CEP126: variants seen among roughly 807,000 people sequenced by gnomAD.
CEP126 encodes centrosomal protein 126.
In CEP126, 74 loss-of-function variants were observed where a neutral mutation model predicts 107.8. The ratio of observed to expected loss-of-function variants is 0.69; its 90% CI spans 0.57 to 0.83. The LOEUF (loss-of-function observed/expected upper bound fraction) is 0.83. Ranked by LOEUF, CEP126 falls within the 40% of genes least tolerant of loss-of-function variation. The pLI, the probability that CEP126 is intolerant of heterozygous loss-of-function variation, is 0.00. For synonymous variants in CEP126, 449 were observed against 446.0 expected (o/e 1.01, Z -0.08); for missense variants, 1,237 against 1,281.9 (o/e 0.96, Z 0.53).
intron 2 of CEP126, among the ~76,000 whole-genome samples, chr11:101,932,842 T>C (rs760570522): frequency 3.3e-5 from 5 of 152,196 alleles, no homozygotes; most frequent in Non-Finnish European, 7.4e-5. Context: ...TTTTGTTAGC[T>C]TGCCTCACTA....
intron 6 of CEP126, among the ~76,000 whole-genome samples, chr11:101,964,398 C>T (rs901090596): frequency 6.6e-5 from 10 of 151,924 alleles, no homozygotes; most frequent in African/African-American, 2.4e-4. Flanking sequence ...TTTGGGAGGC[C>T]AAGGCACGCG....
In CEP126 at chr11:101,915,372, C is replaced by T. The variant is rs1241743534; in HGVS notation, c.88C>T (p.Pro30Ser). ...SDNLDRAPLG[P>S]RESGGHHRPG... ...CAACCTCGACAGAGCCCCCCTCGGC[C>T]CTCGGGAGAGCGGCGGGCATCACCG... The change falls in exon 1 of 11, where the codon CCT (proline) becomes TCT (serine). Residue 30 changes from proline (P) to serine (S), a missense_variant. Transcript: ENST00000263468. 3 of 1,613,770 alleles carry T rather than the reference C, an allele frequency of 1.9e-6. No individual in the cohort carries two copies. Among genetic ancestry groups the T allele is most frequent in the Non-Finnish European group, 2.5e-6 (3 of 1,179,944 alleles).
At chr11:101,917,112 G>A (rs1008898523) in intron 1 of CEP126, among the ~76,000 whole-genome samples, 4 of 151,380 alleles carry the variant, frequency 2.6e-5, no homozygotes, top group Admixed American at 2.6e-4. Context: ...TTGCATATGT[G>A]TGTATATATA....
At chr11:101,969,454 TG>T (rs1941098699) in intron 6 of CEP126, among the ~76,000 whole-genome samples, 1 of 152,032 alleles carries the variant, frequency 6.6e-6, no homozygotes, top group African/African-American at 2.4e-5. Context: ...GGTAGGGGTA[TG>T]GAAAAAAAAT....
intron 6 of CEP126, among the ~76,000 whole-genome samples, chr11:101,965,388 A>G (rs999706437): frequency 6.6e-6 from 1 of 152,202 alleles, no homozygotes; most frequent in African/African-American, 2.4e-5. Context: ...TCATCACAGT[A>G]TCCCCAGATC....
At chr11:101,976,890 T>G (rs1941198415) in intron 6 of CEP126, among the ~76,000 whole-genome samples, 1 of 152,200 alleles carries the variant, frequency 6.6e-6, no homozygotes, top group African/African-American at 2.4e-5. Flanking sequence ...ACATACAAGT[T>G]AAGCATTTTA....
At chr11:101,989,795 T>C (rs563224542) in intron 9 of CEP126, among the ~76,000 whole-genome samples, 115 of 152,116 alleles carry the variant, frequency 7.6e-4, no homozygotes, top group African/African-American at 2.5e-3. Context: ...CCGTCTCTAT[T>C]AAAAATACAA....
intron 1 of CEP126, among the ~76,000 whole-genome samples, chr11:101,917,308 G>A (rs1940238075): frequency 6.6e-6 from 1 of 151,794 alleles, no homozygotes; most frequent in African/African-American, 2.4e-5. Flanking sequence ...GCACAGAGTA[G>A]GTGCTCAAAT....
chr11:101,995,167 T>A (rs983978085), intron 10 of CEP126, among the ~76,000 whole-genome samples: 3 of 152,166 alleles, frequency 2.0e-5, no homozygotes, highest in African/African-American at 7.2e-5. Context: ...TTTTTTGCCT[T>A]GGCACTGGGT....
At chr11:101,950,033 A>G (rs1213782797) in intron 4 of CEP126, among the ~76,000 whole-genome samples, 2 of 152,334 alleles carry the variant, frequency 1.3e-5, no homozygotes, top group South Asian at 2.1e-4. Context: ...CCATAAATCA[A>G]AGAGCAAGGG....
intron 9 of CEP126, among the ~76,000 whole-genome samples, chr11:101,988,628 A>C (rs538238998): frequency 1.3e-5 from 2 of 152,266 alleles, no homozygotes; most frequent in South Asian, 4.1e-4. Flanking sequence ...AAATCAGGAG[A>C]TATTGACAAC....
Position 101,920,207 on chromosome 11 carries a change from A to G in CEP126, c.129-2434A>G, listed in dbSNP as rs553496406. ...AAAAGAAAACAAATAAGCCCCCATC[A>G]GCAAAGGTCTAAACAACAAAATGTT... On this transcript the variant is annotated intron_variant, in intron 1 of 10. Coordinates refer to ENST00000263468, the MANE Select transcript of CEP126 (RefSeq NM_020802.4). Among the ~76,000 whole-genome samples the G allele has an allele frequency of 8.5e-5, 13 of 152,366 alleles. No individual in the cohort carries two copies. The East Asian group carries it at 1.7e-3, about 20-fold the overall frequency.
rs1249710531 is a variant in CEP126, at chr11:101,962,041, G to A, written c.1006G>A (p.Val336Ile). The A allele has an allele frequency of 6.2e-7, 1 of 1,613,316 alleles. No homozygotes were observed. The highest frequency in any genetic ancestry group is 8.5e-7 in the Non-Finnish European group (1 of 1,179,528). The change falls in exon 6 of 11, where the codon GTT (valine) becomes ATT (isoleucine). Residue 336 changes from valine to isoleucine, a missense_variant. Physicochemically the swap from Val to Ile is conservative, Grantham distance 29. Transcript: ENST00000263468. ...AFSDILSKSNVLPSWEYFNSK... is the reference protein window; with the variant it reads ...AFSDILSKSNILPSWEYFNSK... Reference sequence around the variant, plus strand: ...CTCAGATATTTTAAGTAAATCTAATGTTCTGCCTTCATGGGAATATTTTAA... The same window carrying A: ...CTCAGATATTTTAAGTAAATCTAATATTCTGCCTTCATGGGAATATTTTAA...
At chr11:101,954,588 A>G (rs1478197525) in intron 4 of CEP126, among the ~76,000 whole-genome samples, 7 of 152,020 alleles carry the variant, frequency 4.6e-5, no homozygotes, top group African/African-American at 1.7e-4. Context: ...TTAACATACT[A>G]TTTTGACTTT....
At position 101,963,400 on chromosome 11, in the gene CEP126, A is replaced by C; in HGVS notation, c.2365A>C (p.Ile789Leu). 6.2e-7 allele frequency: 1 copy of C among 1,614,162 alleles called. No homozygotes were observed. The highest frequency in any genetic ancestry group is 2.2e-5 in the East Asian group (1 of 44,874). ...ACCACAGTCTGCAAGCAAAGTCAAC[A>C]TATTTACACAAGCTCAGGGAAAATT... ...IQPQSASKVN[I>L]FTQAQGKLII... The change falls in exon 6 of 11, where the codon ATA becomes CTA. Residue 789 changes from isoleucine (I) to leucine (L), a missense_variant. Physicochemically the swap from Ile to Leu is conservative, Grantham distance 5. Coordinates refer to ENST00000263468, the MANE Select transcript of CEP126 (RefSeq NM_020802.4).
intron 4 of CEP126, among the ~76,000 whole-genome samples, chr11:101,949,874 T>C (rs899728102): frequency 6.6e-6 from 1 of 152,180 alleles, no homozygotes; most frequent in African/African-American, 2.4e-5. Flanking sequence ...AGAAGGACGC[T>C]GGACAGGTCC....
intron 4 of CEP126, among the ~76,000 whole-genome samples, chr11:101,952,093 G>C (rs1463444474): frequency 6.6e-6 from 1 of 152,154 alleles, no homozygotes; most frequent in Non-Finnish European, 1.5e-5. Flanking sequence ...AGATAGATGA[G>C]GAGGGTATTT....
chr11:101,989,076 C>CA lies in CEP126; in HGVS notation c.3244+2037dup, dbSNP rs143370163. 1.8e-3 allele frequency among the ~76,000 whole-genome samples: 277 copies of CA among 152,150 alleles called. 2 individuals carry two copies. Among genetic ancestry groups the CA allele is most frequent in the African/African-American group, 6.4e-3 (264 of 41,518 alleles). On this transcript the variant is annotated intron_variant, in intron 9 of 10. Coordinates refer to ENST00000263468, the MANE Select transcript of CEP126 (RefSeq NM_020802.4). The stretch of plus-strand genomic sequence containing the variant: ...ATGAACCATGTATAAGACCATGAAA[C>CA]AAGCCTTAACACATTTCAAAGGATC...
intron 8 of CEP126, 129 bp downstream of exon 8, chr11:101,982,093 C>T (rs1348627641): frequency 1.9e-6 from 1 of 527,106 alleles, no homozygotes; most frequent in African/African-American, 2.0e-5. Flanking sequence ...ACTCTCCTCA[C>T]CCCTGCACAT....
Sources: gnomAD v4.1 joint callset for allele counts (sites outside exome capture counted in the v4.1 genomes callset) on GRCh38, gnomAD v4.1.1 for gene constraint, MANE v1.5 for transcripts, NCBI Gene and HGNC (gene_info 2026-07-23, HGNC 2026-07-21) for gene names.